The following LINGO2 variants were observed in gnomAD, a reference collection of about 807,000 sequenced individuals.
LINGO2 encodes the protein leucine rich repeat and Ig domain containing 2.
In LINGO2, 14 loss-of-function variants were observed where a neutral mutation model predicts 30.6. That is an observed-to-expected ratio of 0.46 (90% confidence interval 0.30 to 0.72). The LOEUF is 0.72. Ranked by LOEUF, LINGO2 falls within the 30% of genes least tolerant of loss-of-function variation. The pLI is 0.07. For synonymous variants in LINGO2, 317 were observed against 288.5 expected, an observed-to-expected ratio of 1.10 and a Z score of -1.00; for missense variants, 729 against 751.7, an observed-to-expected ratio of 0.97 and a Z score of 0.35.
the LINGO2 span, among the ~76,000 whole-genome samples, chr9:28,981,724 A>G: frequency 6.6e-6 from 1 of 152,130 alleles, no homozygotes; most frequent in Non-Finnish European, 1.5e-5. Flanking sequence ...TAGTGCTCCA[A>G]TGAATGGTAC....
At chr9:28,508,142 T>C (rs868561485) in intron 1 of LINGO2, among the ~76,000 whole-genome samples, 1 of 152,176 alleles carries the variant, frequency 6.6e-6, no homozygotes, top group African/African-American at 2.4e-5. Flanking sequence ...CTAAACAGTA[T>C]TTACATGAAA....
the LINGO2 span, among the ~76,000 whole-genome samples, chr9:29,178,063 A>G: frequency 3.2e-5 from 4 of 124,446 alleles, no homozygotes; most frequent in Non-Finnish European, 1.8e-5. Context: ...TTATTTATTT[A>G]TTTATTTTTG....
chr9:28,072,362 A>T (rs1825504626), intron 4 of LINGO2, among the ~76,000 whole-genome samples: 1 of 152,218 alleles, frequency 6.6e-6, no homozygotes, highest in Admixed American at 6.5e-5. Flanking sequence ...TATTAAGCAG[A>T]GTTTGCTCTT....
intron 3 of LINGO2, among the ~76,000 whole-genome samples, chr9:28,298,683 C>CAA (rs74180794): frequency 0.081 from 9,110 of 113,022 alleles, 480 homozygotes; most frequent in East Asian, 0.35. Context: ...AACTCTGTCT[C>CAA]AAAAAAAAAA....
At chr9:28,879,028 G>T in the LINGO2 span, among the ~76,000 whole-genome samples, 1 of 152,114 alleles carries the variant, frequency 6.6e-6, no homozygotes, top group Non-Finnish European at 1.5e-5. Context: ...TATTCAATTA[G>T]GAAAAGAGGA....
At chr9:28,816,146 T>C in the LINGO2 span, among the ~76,000 whole-genome samples, 7 of 152,206 alleles carry the variant, frequency 4.6e-5, no homozygotes, top group Non-Finnish European at 4.4e-5. Flanking sequence ...ACCATGTTAA[T>C]CTATTCATAA....
chr9:28,567,826 T>TAAA (rs58180550), intron 1 of LINGO2, among the ~76,000 whole-genome samples: 1 of 151,686 alleles, frequency 6.6e-6, no homozygotes, highest in Non-Finnish European at 1.5e-5. Flanking sequence ...AATAAATAAA[T>TAAA]TTATAAGGAG....
chr9:29,111,321 G>A, the LINGO2 span, among the ~76,000 whole-genome samples: 1 of 152,024 alleles, frequency 6.6e-6, no homozygotes, highest in Non-Finnish European at 1.5e-5. Flanking sequence ...TTCCTTCACT[G>A]AATAACAGGT....
the LINGO2 span, among the ~76,000 whole-genome samples, chr9:29,122,206 A>G: frequency 1.3e-5 from 2 of 152,112 alleles, no homozygotes; most frequent in African/African-American, 2.4e-5. Context: ...AGGAGAAACT[A>G]AATACGTATG....
At chr9:27,938,594 A>G in the LINGO2 span, 1 of 152,194 alleles carries the variant, frequency 6.6e-6, no homozygotes, top group Admixed American at 6.5e-5. Context: ...AGAGTGGATC[A>G]TTAAAGCAGG....
At chr9:28,958,254 T>C in the LINGO2 span, among the ~76,000 whole-genome samples, 1 of 152,292 alleles carries the variant, frequency 6.6e-6, no homozygotes, top group Admixed American at 6.5e-5. Context: ...GTAATGATAT[T>C]GACCTCAGCA....
At chr9:28,022,947 G>A (rs568623126) in intron 4 of LINGO2, among the ~76,000 whole-genome samples, 2 of 151,966 alleles carry the variant, frequency 1.3e-5, no homozygotes, top group African/African-American at 4.8e-5. Flanking sequence ...TTTCTCAGCT[G>A]TGTCTGTTCT....
At chr9:28,482,451 G>A (rs1826009058) in intron 1 of LINGO2, among the ~76,000 whole-genome samples, 1 of 151,962 alleles carries the variant, frequency 6.6e-6, no homozygotes, top group South Asian at 2.1e-4. Flanking sequence ...CATGTCCTTT[G>A]CCCACTTTTT....
intron 1 of LINGO2, among the ~76,000 whole-genome samples, chr9:28,527,646 C>T (rs1310609360): frequency 6.6e-6 from 1 of 152,170 alleles, no homozygotes; most frequent in Non-Finnish European, 1.5e-5. Flanking sequence ...CCCCTCACTG[C>T]CCCAGTGTGG....
At chr9:28,291,445 G>T (rs1464078148) in intron 4 of LINGO2, among the ~76,000 whole-genome samples, 1 of 152,156 alleles carries the variant, frequency 6.6e-6, no homozygotes, top group East Asian at 1.9e-4. Context: ...CAGTTCTAGG[G>T]AACAGGGATA....
chr9:28,919,171 A>C, the LINGO2 span, among the ~76,000 whole-genome samples: 1 of 152,192 alleles, frequency 6.6e-6, no homozygotes, highest in Non-Finnish European at 1.5e-5. Flanking sequence ...CAGATGTACA[A>C]GTGCACTGGC....
At chr9:28,928,399 C>T in the LINGO2 span, among the ~76,000 whole-genome samples, 2 of 152,092 alleles carry the variant, frequency 1.3e-5, no homozygotes. Context: ...TATACCTATC[C>T]TAACTCTTAC....
At chr9:28,113,318 G>C (rs1323189424) in intron 4 of LINGO2, among the ~76,000 whole-genome samples, 908 of 84,268 alleles carry the variant, frequency 0.011, 18 homozygotes, top group African/African-American at 0.04. Context: ...CTGTAGCCTT[G>C]TAGTATAGTT....
At chr9:28,067,376 G>A (rs531823572) in intron 4 of LINGO2, among the ~76,000 whole-genome samples, 15 of 151,816 alleles carry the variant, frequency 9.9e-5, no homozygotes, top group South Asian at 2.1e-4. Flanking sequence ...TTACCCTTTC[G>A]GAATTGAATG....
Sources: allele counts gnomAD v4.1 joint callset (sites outside exome capture counted in the v4.1 genomes callset), GRCh38; gene constraint gnomAD v4.1.1; transcripts MANE v1.5; gene names NCBI Gene and HGNC (gene_info 2026-07-23, HGNC 2026-07-21).